The following EPRS1 variants were observed in gnomAD, a reference collection of about 807,000 sequenced individuals.
EPRS1 encodes the protein bifunctional glutamate/proline--tRNA ligase.
EPRS1 carries 107 observed loss-of-function variants against 188.3 expected under a neutral mutation model. The ratio of observed to expected loss-of-function variants is 0.57; its 90% CI spans 0.49 to 0.67. The LOEUF (loss-of-function observed/expected upper bound fraction) is 0.67, where lower values mean the gene tolerates loss of function less well. EPRS1 is among the 30% of genes least tolerant of loss of function. The pLI, the probability that EPRS1 is intolerant of heterozygous loss-of-function variation, is 0.00. For synonymous variants in EPRS1, 596 were observed against 593.1 expected (o/e 1.00, Z -0.07); for missense variants, 1,577 against 1,802.2 (o/e 0.88, Z 2.26).
At chr1:220,009,565 T>C (rs532499560) in intron 13 of EPRS1, among the ~76,000 whole-genome samples, 1 of 151,994 alleles carries the variant, frequency 6.6e-6, no homozygotes, top group Non-Finnish European at 1.5e-5. Context: ...CATGAACCTG[T>C]AGTCCCAGGT....
chr1:220,045,949 TAA>T (rs1346176453), intron 1 of EPRS1, among the ~76,000 whole-genome samples: 1 of 152,214 alleles, frequency 6.6e-6, no homozygotes, highest in Non-Finnish European at 1.5e-5. Flanking sequence ...GGAAAAATGC[TAA>T]AAGAGAAGCG....
chr1:220,017,137 C>G (rs568779190), intron 12 of EPRS1, among the ~76,000 whole-genome samples: 2 of 151,904 alleles, frequency 1.3e-5, no homozygotes, highest in Non-Finnish European at 2.9e-5. Flanking sequence ...CGCTTGAACC[C>G]GGGAGGCAGA....
At chr1:219,986,783 ATGTGTGTG>A (rs55845197) in intron 20 of EPRS1, among the ~76,000 whole-genome samples, 1 of 150,156 alleles carries the variant, frequency 6.7e-6, no homozygotes, top group African/African-American at 2.5e-5. Context: ...GAAAATATGT[ATGTGTGTG>A]TGTGTGTGTG....
chr1:219,998,577 T>G (rs1053599556), intron 17 of EPRS1, among the ~76,000 whole-genome samples: 16 of 150,802 alleles, frequency 1.1e-4, no homozygotes, highest in African/African-American at 3.7e-4. Flanking sequence ...AGTGTCTTGC[T>G]CTGCCGCCAG....
intron 29 of EPRS1, among the ~76,000 whole-genome samples, chr1:219,972,421 C>T (rs1660686752): frequency 6.6e-6 from 1 of 152,162 alleles, no homozygotes; most frequent in Non-Finnish European, 1.5e-5. Context: ...GACCATCATT[C>T]TTTTCCTGGC....
chr1:220,020,220 C>T lies in EPRS1; in HGVS notation c.1117G>A (p.Val373Ile). The stretch of plus-strand genomic sequence containing the variant: ...CAGGCAAAATCATATGTTGGATAAA[C>T]ACTAGAAAAAAAGAAAATAAAATAA... Reference protein sequence around the residue: ...PHPRTGNKYNVYPTYDFACPI... With the variant: ...PHPRTGNKYNIYPTYDFACPI... Residue 373 changes from valine (V) to isoleucine (I), a missense_variant and splice_region_variant, in exon 10 of 32, where the codon GTT becomes ATT. Physicochemically the swap from Val to Ile is conservative, Grantham distance 29. Transcript: ENST00000366923. 1.3e-6 allele frequency: 2 copies of T among 1,590,352 alleles called. No individual in the cohort carries two copies. Among genetic ancestry groups the T allele is most frequent in the African/African-American group, 1.4e-5 (1 of 74,072 alleles).
chr1:219,970,726 C>T (rs1571825668), intron 30 of EPRS1, among the ~76,000 whole-genome samples: 1 of 148,732 alleles, frequency 6.7e-6, no homozygotes, highest in East Asian at 2.0e-4. Flanking sequence ...TGCAGTGAGC[C>T]GAGATCACGG....
intron 13 of EPRS1, among the ~76,000 whole-genome samples, chr1:220,009,889 T>G (rs1417283877): frequency 6.6e-6 from 1 of 150,580 alleles, no homozygotes. Flanking sequence ...AGGCCAGGAG[T>G]TCAAGACCAG....
chr1:219,995,983 C>T (rs1020443986), intron 18 of EPRS1, among the ~76,000 whole-genome samples: 1 of 152,190 alleles, frequency 6.6e-6, no homozygotes, highest in Admixed American at 6.5e-5. Flanking sequence ...GTGCCACAGC[C>T]TAAATTCTAC....
In EPRS1 at chr1:219,982,858, A is replaced by G. The variant is rs1660925688; in HGVS notation, c.3301-14T>C. On this transcript the variant is annotated splice_polypyrimidine_tract_variant and intron_variant, in intron 22 of 31. Coordinates refer to ENST00000366923, the MANE Select transcript of EPRS1 (RefSeq NM_004446.3). Reference sequence around the variant, plus strand: ...AACCCAAGCAACCTAGTAAGAAAAAATCATTTTTCATACTTTTTTTTCAAT... The same window carrying G: ...AACCCAAGCAACCTAGTAAGAAAAAGTCATTTTTCATACTTTTTTTTCAAT... 8.1e-6 allele frequency: 13 copies of G among 1,611,108 alleles called. No homozygotes were observed. The highest frequency in any genetic ancestry group is 1.1e-5 in the Non-Finnish European group (13 of 1,177,320).
At chr1:220,017,346 G>C (rs2789811) in intron 12 of EPRS1, among the ~76,000 whole-genome samples, 1 of 152,090 alleles carries the variant, frequency 6.6e-6, no homozygotes, top group Non-Finnish European at 1.5e-5. Flanking sequence ...AGAACTATTT[G>C]ACTATAGTAA....
intron 6 of EPRS1, among the ~76,000 whole-genome samples, chr1:220,028,573 T>C (rs2102594285): frequency 6.6e-6 from 1 of 152,310 alleles, no homozygotes; most frequent in Admixed American, 6.5e-5. Context: ...TTTTTAATTA[T>C]ATGGATTCTA....
At position 219,984,245 on chromosome 1, in the gene EPRS1, C is replaced by T; in HGVS notation, c.3051G>A (p.Glu1017=). 1.2e-6 allele frequency: 2 copies of T among 1,612,866 alleles called. No individual in the cohort carries two copies. Among genetic ancestry groups the T allele is most frequent in the Non-Finnish European group, 1.7e-6 (2 of 1,179,038 alleles). ...GPKKQTRLGL[E]AKKEENLADW... ...CAGCAAGATTTTCTTCTTTTTTTGC[C>T]TCAAGACCCAACCTGCAGATGTGAA... Residue 1017 remains glutamate, a synonymous_variant, in exon 21 of 32, where the codon GAG becomes GAA. Coordinates refer to ENST00000366923, the MANE Select transcript of EPRS1 (RefSeq NM_004446.3).
chr1:219,990,698 C>T (rs1482033953), intron 18 of EPRS1, among the ~76,000 whole-genome samples: 1 of 152,044 alleles, frequency 6.6e-6, no homozygotes, highest in Non-Finnish European at 1.5e-5. Context: ...AACTGCTTTT[C>T]GAAAGAGATG....
chr1:220,001,902 G>A (rs1661359966), intron 16 of EPRS1, among the ~76,000 whole-genome samples: 1 of 151,916 alleles, frequency 6.6e-6, no homozygotes, highest in African/African-American at 2.4e-5. Context: ...GGCGGCGGGT[G>A]CCTGTAGTCC....
intron 30 of EPRS1, among the ~76,000 whole-genome samples, chr1:219,970,603 C>G (rs1660645799): frequency 6.6e-6 from 1 of 152,074 alleles, no homozygotes; most frequent in African/African-American, 2.4e-5. Context: ...AATGGCAAAA[C>G]CCCATCTCTA....
chr1:219,990,943 A>G (rs1768670), intron 18 of EPRS1, among the ~76,000 whole-genome samples: 131,345 of 152,110 alleles, frequency 0.86, 57,133 homozygotes, highest in African/African-American at 0.97. Context: ...CCTAACATAT[A>G]CCAATACAAA....
Position 220,006,141 on chromosome 1 carries a change from C to T in EPRS1, c.1915G>A (p.Glu639Lys), listed in dbSNP as rs759924439. Residue 639 changes from glutamate (E) to lysine (K), a missense_variant, in exon 15 of 32, where the codon GAG becomes AAG. Glu to Lys is a moderately conservative substitution (Grantham distance 56, BLOSUM62 1). Transcript: ENST00000366923. Reference protein sequence around the residue: ...LITKPVLGKDEDFKQYVNKNS... With the variant: ...LITKPVLGKDKDFKQYVNKNS... ...TTGTTGACATACTGCTTAAAGTCCT[C>T]GTCTTTTCCTAGCACTGGCTTTGTG... 17 of 1,593,776 alleles carry T rather than the reference C, an allele frequency of 1.1e-5. No individual in the cohort carries two copies. Among genetic ancestry groups the T allele is most frequent in the African/African-American group, 4.0e-5 (3 of 74,498 alleles).
At chr1:220,018,053 T>C (rs1661756877) in intron 12 of EPRS1, 3 of 829,980 alleles carry the variant, frequency 3.6e-6, no homozygotes, top group Admixed American at 2.7e-5. Context: ...TTCAAAGCCA[T>C]ATAACATCTC....
Sources: gnomAD v4.1 joint callset for allele counts (sites outside exome capture counted in the v4.1 genomes callset) on GRCh38, gnomAD v4.1.1 for gene constraint, MANE v1.5 for transcripts, NCBI Gene and HGNC (gene_info 2026-07-23, HGNC 2026-07-21) for gene names.